The following CACNA2D4 variants were observed in gnomAD, a reference collection of about 807,000 sequenced individuals.
CACNA2D4 encodes the protein voltage-dependent calcium channel subunit alpha-2/delta-4.
In CACNA2D4, 157 loss-of-function variants were observed where a neutral mutation model predicts 163.8. That is an observed-to-expected ratio of 0.96 (90% confidence interval 0.84 to 1.09). The LOEUF (loss-of-function observed/expected upper bound fraction) is 1.09. Among genes scored for constraint, CACNA2D4 ranks in the 50% least tolerant of loss-of-function variants. The probability of loss-of-function intolerance (pLI) is 0.00; values close to 1 mark genes in which losing one functional copy is unlikely to be tolerated. For missense variants in CACNA2D4, 1,410 were observed against 1,479.9 expected (o/e 0.95, Z 0.78); for synonymous variants, 598 against 586.9 (o/e 1.02, Z -0.27).
intron 29 of CACNA2D4, among the ~76,000 whole-genome samples, chr12:1,805,563 G>A (rs1030060774): frequency 2.0e-5 from 3 of 152,136 alleles, no homozygotes; most frequent in Non-Finnish European, 2.9e-5. Context: ...CTGCCCCTCC[G>A]TCCTCCAGGC....
At chr12:1,899,097 A>G (rs562914212) in intron 6 of CACNA2D4, among the ~76,000 whole-genome samples, 36 of 152,262 alleles carry the variant, frequency 2.4e-4, no homozygotes, top group African/African-American at 8.4e-4. Context: ...TTTATATTAT[A>G]TATATTTTGC....
At chr12:1,811,400 G>A (rs758075643) in intron 27 of CACNA2D4, among the ~76,000 whole-genome samples, 4 of 152,198 alleles carry the variant, frequency 2.6e-5, no homozygotes, top group Non-Finnish European at 4.4e-5. Flanking sequence ...CCTTTTCAGC[G>A]GGGAGGCATG....
chr12:1,889,587 C>T (rs557260510), intron 6 of CACNA2D4, among the ~76,000 whole-genome samples: 299 of 151,650 alleles, frequency 2.0e-3, no homozygotes, highest in African/African-American at 6.8e-3. Context: ...GCCGCCCCCC[C>T]CAGTAGCTGG....
rs747304061 is a variant in CACNA2D4 at position 1,844,436 on chromosome 12, G to T, written c.2436C>A (p.Ser812Arg). 2.5e-6 allele frequency: 4 copies of T among 1,613,586 alleles called. No homozygotes were observed. The African/African-American group carries it at 5.3e-5, about 22-fold the overall frequency. Residue 812 changes from serine (S) to arginine (R), a missense_variant, in exon 25 of 38, where the codon AGC becomes AGA. Coordinates refer to ENST00000382722, the MANE Select transcript of CACNA2D4 (RefSeq NM_172364.5). This position sits in a 1 kb window ranked among gnomAD's most constrained non-coding sequence, Gnocchi z 4.2. ...YRQASEHPAG[S>R]FVFNLRWAEG... is the part of the protein sequence containing the mutation. ...CTGCCCAGCGGAGGTTGAAGACGAA[G>T]CTGCCAGCAGGATGCTCTGAGGCCT...
intron 37 of CACNA2D4, chr12:1,794,992 A>G (rs1325372241): frequency 1.8e-6 from 1 of 543,648 alleles, no homozygotes; most frequent in Non-Finnish European, 3.3e-6. Context: ...AGGGTCTTAG[A>G]GGCACCTGTG....
rs1400520394 is a variant in CACNA2D4 at position 1,844,029 on chromosome 12, C to T, written c.2470+373G>A. ...TACTGCAGCCCCTAATGAAACCACC[C>T]GTCTGGGTGGTTTATGAAGCTTTCA... On this transcript the variant is annotated intron_variant, in intron 25 of 37. Coordinates refer to ENST00000382722, the MANE Select transcript of CACNA2D4 (RefSeq NM_172364.5). This position sits in a 1 kb window ranked among gnomAD's most constrained non-coding sequence, Gnocchi z 4.2. Among the ~76,000 whole-genome samples, 2 of 152,120 alleles carry T rather than the reference C, an allele frequency of 1.3e-5. No individual in the cohort carries two copies. The highest frequency in any genetic ancestry group is 2.1e-4 in the South Asian group (1 of 4,834).
chr12:1,794,985 G>C (rs187045412), intron 37 of CACNA2D4: 148 of 531,792 alleles, frequency 2.8e-4, no homozygotes, highest in African/African-American at 2.2e-3. Flanking sequence ...CATTCCAAGG[G>C]TCTTAGAGGC....
chr12:1,815,834 G>A (rs552231760), intron 26 of CACNA2D4, among the ~76,000 whole-genome samples: 2 of 152,228 alleles, frequency 1.3e-5, no homozygotes, highest in South Asian at 2.1e-4. Flanking sequence ...TGAAGACTTC[G>A]GAGGCAATCC....
intron 18 of CACNA2D4, among the ~76,000 whole-genome samples, chr12:1,866,405 TTAAA>T (rs1408237664): frequency 3.3e-5 from 5 of 152,250 alleles, no homozygotes; most frequent in Admixed American, 2.6e-4. Flanking sequence ...AACTTTTGCT[TTAAA>T]TAGTCAGTTG....
Position 1,900,431 on chromosome 12 carries a change from G to A in CACNA2D4, c.781+7009C>T, listed in dbSNP as rs181937036. 2.5e-3 allele frequency among the ~76,000 whole-genome samples: 376 copies of A among 152,282 alleles called. 2 individuals carry two copies. Among genetic ancestry groups the A allele is most frequent in the Admixed American group, 3.9e-3 (59 of 15,296 alleles). The stretch of plus-strand genomic sequence containing the variant: ...ATTACAGGCATGAGCCACTGCACCT[G>A]ACCAACAAAAAACTTTTAACAACAT... On this transcript the variant is annotated intron_variant, in intron 6 of 37. Transcript: ENST00000382722.
chr12:1,865,777 C>T (rs1443030093), intron 18 of CACNA2D4, among the ~76,000 whole-genome samples: 3 of 152,220 alleles, frequency 2.0e-5, no homozygotes, highest in Non-Finnish European at 4.4e-5. Flanking sequence ...GGGCGCTGGC[C>T]TGAAGGACGG....
In CACNA2D4 at chr12:1,793,768, G is replaced by A. The variant is rs759395651; in HGVS notation, c.3310-9C>T. On this transcript the variant is annotated splice_polypyrimidine_tract_variant and intron_variant, in intron 37 of 37. Coordinates refer to ENST00000382722, the MANE Select transcript of CACNA2D4 (RefSeq NM_172364.5). ...CAGTCCTGGGCATTCTCCTGCGAAC[G>A]CAGAGCAGAGGTGACAGCGCGGCGC... 14 of 1,610,842 alleles carry A rather than the reference G, an allele frequency of 8.7e-6. No individual in the cohort carries two copies. In the East Asian group the frequency reaches 2.2e-4, roughly 26 times the overall value.
intron 26 of CACNA2D4, among the ~76,000 whole-genome samples, chr12:1,822,489 C>T (rs183771722): frequency 6.1e-5 from 9 of 146,626 alleles, no homozygotes; most frequent in African/African-American, 1.7e-4. Flanking sequence ...ACCCTGAGCC[C>T]GGCCCCAGGG....
intron 13 of CACNA2D4, 123 bp downstream of exon 13, chr12:1,882,744 C>G: frequency 2.0e-6 from 2 of 1,013,086 alleles, no homozygotes; most frequent in Non-Finnish European, 2.9e-6. Flanking sequence ...TTCGCCCCTT[C>G]TTAATGTTCC....
At chr12:1,811,567 A>C in intron 27 of CACNA2D4, 95 bp downstream of exon 27, 1 of 1,275,484 alleles carries the variant, frequency 7.8e-7, no homozygotes, top group Non-Finnish European at 1.1e-6. Flanking sequence ...GAGAGCCTCA[A>C]GGCAGTGGAG....
At position 1,878,169 on chromosome 12, in the gene CACNA2D4, C is replaced by T; in HGVS notation, c.1719+146G>A. 2 of 902,132 alleles carry T rather than the reference C, an allele frequency of 2.2e-6. No homozygotes were observed. The highest frequency in any genetic ancestry group is 3.5e-6 in the Non-Finnish European group (2 of 572,100). 55.9% of individuals were successfully genotyped at this position (902,132 alleles called of 1,614,324 possible). ...ATCTAAACAACTTGAAAACAGGGAC[C>T]ATGACTCGAATACATTTTTTTTCTC... On this transcript the variant is annotated intron_variant, in intron 16 of 37. Transcript: ENST00000382722. The surrounding 1 kb of genome is among the most constrained non-coding windows in gnomAD (Gnocchi z 4.6).
chr12:1,805,657 C>T (rs1322313711), intron 29 of CACNA2D4, among the ~76,000 whole-genome samples: 1 of 152,178 alleles, frequency 6.6e-6, no homozygotes, highest in African/African-American at 2.4e-5. Flanking sequence ...GGCAGCACTG[C>T]ACTCCCCAGA....
intron 31 of CACNA2D4, chr12:1,800,788 C>T: frequency 1.7e-6 from 1 of 595,082 alleles, no homozygotes; most frequent in East Asian, 2.8e-5. Context: ...AGGCTGCTCT[C>T]TCTGTCTCCG....
chr12:1,899,503 G>A (rs145582472), intron 6 of CACNA2D4, among the ~76,000 whole-genome samples: 2 of 152,092 alleles, frequency 1.3e-5, no homozygotes, highest in Non-Finnish European at 1.5e-5. Context: ...ATGATAATAA[G>A]AGAATAATAG....
Sources: allele counts gnomAD v4.1 joint callset (sites outside exome capture counted in the v4.1 genomes callset), GRCh38; gene constraint gnomAD v4.1.1; non-coding constraint Gnocchi (gnomAD v3.1); transcripts MANE v1.5; gene names NCBI Gene and HGNC (gene_info 2026-07-23, HGNC 2026-07-21).